FOXP2: variants seen among roughly 807,000 people sequenced by gnomAD.
The protein encoded by FOXP2 is forkhead box protein P2.
Under a neutral mutation model 115.8 loss-of-function variants are expected in FOXP2, and 12 were observed. The ratio of observed to expected loss-of-function variants is 0.10; its 90% CI spans 0.07 to 0.17. FOXP2 has a LOEUF of 0.17. Ranked by LOEUF, FOXP2 falls within the 10% of genes least tolerant of loss-of-function variation. The probability of loss-of-function intolerance (pLI) is 1.00; values close to 1 mark genes in which losing one functional copy is unlikely to be tolerated. For synonymous variants in FOXP2, 328 were observed against 297.7 expected, an observed-to-expected ratio of 1.10 and a Z score of -1.05; for missense variants, 629 against 843.5, an observed-to-expected ratio of 0.75 and a Z score of 3.15.
intron 3 of FOXP2, among the ~76,000 whole-genome samples, chr7:114,550,713 T>A (rs1800165202): frequency 6.6e-6 from 1 of 152,272 alleles, no homozygotes; most frequent in Admixed American, 6.5e-5. Context: ...ATGGTAAAGT[T>A]CTTGATGGAG....
chr7:114,480,313 T>A (rs1268227300), intron 2 of FOXP2, among the ~76,000 whole-genome samples: 1 of 151,632 alleles, frequency 6.6e-6, no homozygotes, highest in Non-Finnish European at 1.5e-5. Flanking sequence ...ATTACATTTT[T>A]AAAGAGTTAA....
chr7:114,213,526 T>C (rs1366772852), intron 1 of FOXP2, among the ~76,000 whole-genome samples: 1 of 152,190 alleles, frequency 6.6e-6, no homozygotes, highest in Admixed American at 6.6e-5. Flanking sequence ...TAAACATATA[T>C]AATTAATGTA....
intron 1 of FOXP2, among the ~76,000 whole-genome samples, chr7:114,269,728 G>C (rs1795988289): frequency 6.6e-6 from 1 of 152,082 alleles, no homozygotes; most frequent in African/African-American, 2.4e-5. Context: ...TGGTGATTCT[G>C]TTGTTTATTG....
intron 3 of FOXP2, among the ~76,000 whole-genome samples, chr7:114,574,990 G>T (rs887608939): frequency 6.6e-6 from 1 of 151,826 alleles, no homozygotes; most frequent in Non-Finnish European, 1.5e-5. Flanking sequence ...ATTTTTAATG[G>T]GGATGCTGGG....
At chr7:114,325,226 A>G (rs569690718) in intron 2 of FOXP2, among the ~76,000 whole-genome samples, 3 of 152,062 alleles carry the variant, frequency 2.0e-5, no homozygotes, top group African/African-American at 7.2e-5. Flanking sequence ...TGGGGAAGTT[A>G]GTTGTCTCTG....
chr7:114,617,335 A>G (rs1804002940), intron 3 of FOXP2, among the ~76,000 whole-genome samples: 1 of 152,222 alleles, frequency 6.6e-6, no homozygotes, highest in Non-Finnish European at 1.5e-5. Context: ...TTACTGTTAA[A>G]CATCTCTCAA....
At chr7:114,276,765 C>G (rs1051972530) in intron 1 of FOXP2, among the ~76,000 whole-genome samples, 2 of 152,164 alleles carry the variant, frequency 1.3e-5, no homozygotes, top group African/African-American at 2.4e-5. Flanking sequence ...ATCCTGACCT[C>G]TCTTACAGAT....
At position 114,596,823 on chromosome 7, in the gene FOXP2, T is replaced by G. The variant is rs183317631; in HGVS notation, c.259-31717T>G. Among the ~76,000 whole-genome samples the G allele has an allele frequency of 2.0e-3, 298 of 152,180 alleles. 2 individuals carry two copies. The highest frequency in any genetic ancestry group is 6.8e-3 in the African/African-American group (281 of 41,558). ...ATTTAAGGCAGTACTTGAAATTTTG[T>G]TGTGATAACAAAGCTTGATATCCTA... On this transcript the variant is annotated intron_variant, in intron 3 of 16. Transcript: ENST00000350908.
chr7:114,676,547 T>TG (rs1807777769), intron 16 of FOXP2, among the ~76,000 whole-genome samples: 1 of 152,282 alleles, frequency 6.6e-6, no homozygotes, highest in East Asian at 1.9e-4. Context: ...GAATGTTCTC[T>TG]GGGGAGTAAC....
chr7:114,173,265 A>G (rs547814174), intron 1 of FOXP2, among the ~76,000 whole-genome samples: 1 of 152,036 alleles, frequency 6.6e-6, no homozygotes, highest in Admixed American at 6.5e-5. Flanking sequence ...CTATCTTCGT[A>G]TTCTTTCTTT....
At chr7:114,666,175 G>C (rs1187504821) in intron 16 of FOXP2, 1 of 151,886 alleles carries the variant, frequency 6.6e-6, no homozygotes, top group Admixed American at 6.6e-5. Context: ...ATATGAATTA[G>C]TGCATTTGAA....
chr7:114,233,428 A>G (rs1306413842), intron 1 of FOXP2, among the ~76,000 whole-genome samples: 1 of 152,204 alleles, frequency 6.6e-6, no homozygotes, highest in Non-Finnish European at 1.5e-5. Context: ...TGCATGCTCA[A>G]AAGTAGTTAT....
chr7:114,260,219 A>G (rs1370908985), intron 1 of FOXP2, among the ~76,000 whole-genome samples: 1 of 151,386 alleles, frequency 6.6e-6, no homozygotes, highest in Non-Finnish European at 1.5e-5. Flanking sequence ...ATAAACAACA[A>G]TAACAACAAC....
At chr7:114,433,973 A>G (rs961034482) in intron 2 of FOXP2, among the ~76,000 whole-genome samples, 2 of 151,950 alleles carry the variant, frequency 1.3e-5, no homozygotes, top group Non-Finnish European at 2.9e-5. Context: ...AGTAATAGGC[A>G]TGATATGGCT....
At position 114,691,943 on chromosome 7, in the gene FOXP2, G is replaced by GAAAAAAAAAAAAAAAAAAAAAAAAAA; in HGVS notation, c.*2030_*2031insAAAAAAAAAAAAAAAAAAAAAAAAAA. 1 of 364,118 alleles carries GAAAAAAAAAAAAAAAAAAAAAAAAAA rather than the reference G, an allele frequency of 2.7e-6. No homozygotes were observed. Among genetic ancestry groups the GAAAAAAAAAAAAAAAAAAAAAAAAAA allele is most frequent in the Non-Finnish European group, 5.1e-6 (1 of 196,454 alleles). The allele number at this position is 364,118 out of a possible 1,614,324, so 22.6% of individuals were successfully genotyped here. On this transcript the variant is annotated 3_prime_UTR_variant, in exon 17 of 17. Transcript: ENST00000350908. ...TTCTACCTCTGCAAAAAAAAAAAAA[G>GAAAAAAAAAAAAAAAAAAAAAAAAAA]AAAAAAAAAAAAAGAAAAACATTAG... is the stretch of plus-strand genomic sequence containing the variant.
intron 2 of FOXP2, among the ~76,000 whole-genome samples, chr7:114,296,026 C>A: frequency 6.6e-6 from 1 of 152,016 alleles, no homozygotes; most frequent in African/African-American, 2.4e-5. Context: ...GAATAATTTG[C>A]CAGGTTTAAG....
rs117345541 is a variant in FOXP2, at chr7:114,366,088, A to G, written c.-10-60414A>G. Among the ~76,000 whole-genome samples, 57 of 152,258 alleles carry G rather than the reference A, an allele frequency of 3.7e-4. No individual in the cohort carries two copies. The East Asian group carries it at 0.011, about 28-fold the overall frequency. On this transcript the variant is annotated intron_variant, in intron 2 of 17. Transcript: ENST00000634411. The stretch of plus-strand genomic sequence containing the variant: ...ACTCCATGCAGAAAAACGTGTGCAG[A>G]CTACCACAGGAAGCAGTAGAACTCA...
chr7:114,408,464 C>CT (rs1411964234), intron 2 of FOXP2, among the ~76,000 whole-genome samples: 1 of 152,126 alleles, frequency 6.6e-6, no homozygotes, highest in Non-Finnish European at 1.5e-5. Flanking sequence ...CAGTGGCTCA[C>CT]ACCTGTAATT....
intron 1 of FOXP2, among the ~76,000 whole-genome samples, chr7:114,285,893 A>G (rs1393421711): frequency 6.6e-6 from 1 of 152,016 alleles, no homozygotes; most frequent in African/African-American, 2.4e-5. Flanking sequence ...CAGTTTACCT[A>G]TGAAATTATC....
Sources: gnomAD v4.1 joint callset for allele counts (sites outside exome capture counted in the v4.1 genomes callset) on GRCh38, gnomAD v4.1.1 for gene constraint, MANE v1.5 for transcripts, NCBI Gene and HGNC (gene_info 2026-07-23, HGNC 2026-07-21) for gene names.